FAT3: variants seen among roughly 807,000 people sequenced by gnomAD.
FAT3 encodes FAT atypical cadherin 3.
Under a neutral mutation model 310.2 loss-of-function variants are expected in FAT3, and 95 were observed. The ratio of observed to expected loss-of-function variants is 0.31; its 90% CI spans 0.26 to 0.36. The LOEUF (loss-of-function observed/expected upper bound fraction) is 0.36. Ranked by LOEUF, FAT3 falls within the 10% of genes least tolerant of loss-of-function variation. The pLI, the probability that FAT3 is intolerant of heterozygous loss-of-function variation, is 1.00. For missense variants in FAT3, 5,408 were observed against 5,715.6 expected, an observed-to-expected ratio of 0.95 and a Z score of 1.74; for synonymous variants, 2,314 against 2,192.9, an observed-to-expected ratio of 1.06 and a Z score of -1.54.
intron 4 of FAT3, among the ~76,000 whole-genome samples, chr11:92,717,625 T>G (rs1591643532): frequency 6.6e-6 from 1 of 152,362 alleles, no homozygotes; most frequent in Non-Finnish European, 1.5e-5. Context: ...AAGATTTTTT[T>G]CAAAATGTTT....
chr11:92,419,157 C>T (rs577227518), intron 2 of FAT3, among the ~76,000 whole-genome samples: 66 of 152,232 alleles, frequency 4.3e-4, no homozygotes, highest in African/African-American at 1.6e-3. Flanking sequence ...ATTAGTGCTC[C>T]TTTGGAAACC....
In FAT3 at chr11:92,479,068, CTTGGTTCA is replaced by C. The variant is rs560600460; in HGVS notation, c.3293-45562_3293-45555del. Among the ~76,000 whole-genome samples, 791 of 150,312 alleles carry C rather than the reference CTTGGTTCA, an allele frequency of 5.3e-3. 5 individuals carry two copies. Among genetic ancestry groups the C allele is most frequent in the Non-Finnish European group, 8.8e-3 (598 of 67,824 alleles). ...CCAGGCTGGAGTGCAGCGGGGTTAT[CTTGGTTCA>C]TTGCAACCTCTGCCTCCCAGGCTCA... On this transcript the variant is annotated intron_variant, in intron 2 of 27. Transcript: ENST00000525166.
intron 4 of FAT3, among the ~76,000 whole-genome samples, chr11:92,709,784 C>T (rs1269730953): frequency 1.3e-5 from 2 of 152,192 alleles, no homozygotes; most frequent in Non-Finnish European, 2.9e-5. Context: ...ATATGCAGAA[C>T]AGGGAAGGGC....
At chr11:92,405,537 A>C (rs1269978326) in intron 2 of FAT3, among the ~76,000 whole-genome samples, 1 of 152,200 alleles carries the variant, frequency 6.6e-6, no homozygotes, top group Non-Finnish European at 1.5e-5. Flanking sequence ...CGGTAGGATC[A>C]CTTGAGCCCA....
chr11:92,634,779 A>T lies in FAT3; in HGVS notation c.3608-62605A>T, dbSNP rs192248703. On this transcript the variant is annotated intron_variant, in intron 3 of 27. Coordinates refer to ENST00000525166, the MANE Select transcript of FAT3 (RefSeq NM_001367949.2). ...GACTGAACATTTGTGTTCCCCAAAAATTCATATGCTGAAGCCGAGCCCCCA... is the reference window on the plus strand; with the variant it reads ...GACTGAACATTTGTGTTCCCCAAAATTTCATATGCTGAAGCCGAGCCCCCA... Among the ~76,000 whole-genome samples, 677 of 152,324 alleles carry T rather than the reference A, an allele frequency of 4.4e-3. 2 individuals carry two copies. Among genetic ancestry groups the T allele is most frequent in the Non-Finnish European group, 7.5e-3 (510 of 68,024 alleles).
chr11:92,360,910 T>A (rs991668535), intron 2 of FAT3, among the ~76,000 whole-genome samples: 2 of 152,240 alleles, frequency 1.3e-5, no homozygotes. Flanking sequence ...TCTAGTGTAA[T>A]GGACTCAAAA....
At chr11:92,827,293 A>G (rs900331700) in intron 13 of FAT3, among the ~76,000 whole-genome samples, 3 of 152,292 alleles carry the variant, frequency 2.0e-5, no homozygotes, top group Non-Finnish European at 4.4e-5. Context: ...TCCTTTGTTG[A>G]TTCTGGCCCA....
chr11:92,624,257 A>G (rs1941223022), intron 3 of FAT3, among the ~76,000 whole-genome samples: 1 of 152,204 alleles, frequency 6.6e-6, no homozygotes, highest in Non-Finnish European at 1.5e-5. Context: ...ATGAAGAGCA[A>G]GAAGAAAAAC....
At chr11:92,774,347 G>T (rs1166872887) in intron 7 of FAT3, among the ~76,000 whole-genome samples, 167 bp downstream of exon 7, 1 of 152,222 alleles carries the variant, frequency 6.6e-6, no homozygotes, top group African/African-American at 2.4e-5. Flanking sequence ...TTCTATAGAT[G>T]ATATCATAGG....
chr11:92,698,099 C>T (rs1484416983), intron 4 of FAT3, among the ~76,000 whole-genome samples: 1 of 152,158 alleles, frequency 6.6e-6, no homozygotes, highest in Non-Finnish European at 1.5e-5. Flanking sequence ...TTGTATGACA[C>T]CGTGATTTAA....
chr11:92,227,137 G>A (rs1863952504), intron 1 of FAT3, among the ~76,000 whole-genome samples: 1 of 152,098 alleles, frequency 6.6e-6, no homozygotes, highest in Non-Finnish European at 1.5e-5. Flanking sequence ...GGTCCTTAAT[G>A]TTTAAAAGAT....
chr11:92,869,701 C>G (rs1014568935), intron 22 of FAT3, among the ~76,000 whole-genome samples: 2 of 152,172 alleles, frequency 1.3e-5, no homozygotes, highest in Non-Finnish European at 2.9e-5. Context: ...TTGGCCTTTA[C>G]TTCATATCTA....
intron 4 of FAT3, among the ~76,000 whole-genome samples, chr11:92,754,754 G>A (rs1173619717): frequency 1.3e-5 from 2 of 149,352 alleles, no homozygotes; most frequent in African/African-American, 2.5e-5. Flanking sequence ...TGTAATCCCA[G>A]CTACTCCGGA....
chr11:92,860,305 A>G (rs1409462573), intron 21 of FAT3, among the ~76,000 whole-genome samples: 1 of 152,206 alleles, frequency 6.6e-6, no homozygotes, highest in East Asian at 1.9e-4. Context: ...AAAGTTGCAC[A>G]TCTAATAAGT....
chr11:92,729,396 C>A lies in FAT3; in HGVS notation c.3669+31951C>A, dbSNP rs530019812. Among the ~76,000 whole-genome samples the A allele has an allele frequency of 2.0e-5, 3 of 151,606 alleles. No homozygotes were observed. In the East Asian group the frequency reaches 5.8e-4, roughly 29 times the overall value. Reference sequence around the variant, plus strand: ...CGTGTGGGAAAACCCAGTCATCACACTTATGAACTGCAAATGGACCCCAGA... The same window carrying A: ...CGTGTGGGAAAACCCAGTCATCACAATTATGAACTGCAAATGGACCCCAGA... On this transcript the variant is annotated intron_variant, in intron 4 of 27. Transcript: ENST00000525166.
At chr11:92,846,096 C>A (rs1948676572) in intron 19 of FAT3, among the ~76,000 whole-genome samples, 1 of 152,212 alleles carries the variant, frequency 6.6e-6, no homozygotes, top group Admixed American at 6.5e-5. Flanking sequence ...TGCCAGCTGT[C>A]TGGGCCTTAT....
chr11:92,839,979 C>T (rs1479935855), intron 17 of FAT3, among the ~76,000 whole-genome samples: 3 of 152,132 alleles, frequency 2.0e-5, no homozygotes, highest in Admixed American at 6.5e-5. Flanking sequence ...TGTTTTACCC[C>T]GATTCGCTTC....
At chr11:92,453,912 G>A (rs1031160203) in intron 2 of FAT3, among the ~76,000 whole-genome samples, 5 of 151,904 alleles carry the variant, frequency 3.3e-5, no homozygotes, top group African/African-American at 9.7e-5. Context: ...TTTTTTCAAG[G>A]AAATTCTTTT....
At chr11:92,408,381 G>A in intron 2 of FAT3, among the ~76,000 whole-genome samples, 1 of 152,158 alleles carries the variant, frequency 6.6e-6, no homozygotes, top group South Asian at 2.1e-4. Context: ...CCATAGCAGG[G>A]GGATAGCTTC....
Sources: gnomAD v4.1 joint callset for allele counts (sites outside exome capture counted in the v4.1 genomes callset) on GRCh38, gnomAD v4.1.1 for gene constraint, MANE v1.5 for transcripts, NCBI Gene and HGNC (gene_info 2026-07-23, HGNC 2026-07-21) for gene names.